KCNQ5: variants seen among roughly 807,000 people sequenced by gnomAD.
KCNQ5 encodes the protein potassium voltage-gated channel subfamily Q member 5.
A neutral mutation model predicts 98.2 loss-of-function variants in KCNQ5; 30 were observed. The observed-to-expected ratio is 0.31, with a 90% CI of 0.23 to 0.41. The LOEUF is 0.41. Among genes scored for constraint, KCNQ5 ranks in the 10% least tolerant of loss-of-function variants. The probability of loss-of-function intolerance (pLI) is 1.00; values close to 1 mark genes in which losing one functional copy is unlikely to be tolerated. For synonymous variants in KCNQ5, 458 were observed against 449.4 expected, an observed-to-expected ratio of 1.02 and a Z score of -0.24; for missense variants, 835 against 1,182.5, an observed-to-expected ratio of 0.71 and a Z score of 4.31.
At chr6:73,135,896 C>T (rs1582423388) in intron 10 of KCNQ5, 1 of 152,164 alleles carries the variant, frequency 6.6e-6, no homozygotes, top group South Asian at 2.1e-4. Flanking sequence ...TGTACCCAGC[C>T]ATGTGCAAAT....
At chr6:72,673,627 A>C (rs1465097207) in intron 1 of KCNQ5, among the ~76,000 whole-genome samples, 1 of 152,050 alleles carries the variant, frequency 6.6e-6, no homozygotes, top group Non-Finnish European at 1.5e-5. Context: ...GGAGGCGAAG[A>C]GGTAAGGCAA....
chr6:72,750,780 G>A (rs1771638947), intron 1 of KCNQ5, among the ~76,000 whole-genome samples: 1 of 151,964 alleles, frequency 6.6e-6, no homozygotes, highest in South Asian at 2.1e-4. Flanking sequence ...TACCTCATAA[G>A]CAAAGCTACA....
intron 1 of KCNQ5, among the ~76,000 whole-genome samples, chr6:72,709,345 G>A (rs1769244952): frequency 6.6e-6 from 1 of 152,042 alleles, no homozygotes; most frequent in Non-Finnish European, 1.5e-5. Context: ...GTGAACTAAA[G>A]GACCATCCAA....
At chr6:73,041,855 T>A (rs752029210) in intron 2 of KCNQ5, 81 bp from the exon 3 acceptor site, 37 of 1,531,632 alleles carry the variant, frequency 2.4e-5, no homozygotes, top group Non-Finnish European at 2.7e-5. Flanking sequence ...AGTGCCTAAA[T>A]GTCCAAAAAT....
In KCNQ5 at chr6:72,622,942, G is replaced by A. The variant is rs569894031; in HGVS notation, c.398+355G>A. Among the ~76,000 whole-genome samples, 95 of 152,240 alleles carry A rather than the reference G, an allele frequency of 6.2e-4. 1 individual carries two copies. The highest frequency in any genetic ancestry group is 2.2e-3 in the African/African-American group (92 of 41,544). ...ACCGAACGGGGCGCCCGGGAGCTAG[G>A]GAATGCAAAGGGAGGACAGGCGCCC... On this transcript the variant is annotated intron_variant, in intron 1 of 13. Transcript: ENST00000370398. This position sits in a 1 kb window ranked among gnomAD's most constrained non-coding sequence, Gnocchi z 6.0.
chr6:73,120,500 C>T lies in KCNQ5; in HGVS notation c.1143C>T (p.Tyr381=), dbSNP rs144427126. 6.7e-5 allele frequency: 108 copies of T among 1,612,350 alleles called. No individual in the cohort carries two copies. Among genetic ancestry groups the T allele is most frequent in the Middle Eastern group, 1.6e-4 (1 of 6,076 alleles). ...ACATGCAGTGTGTTTGGCGTAGTTACGCAGCTGATGAGAAATCTGTTTCCA... is the reference window on the plus strand; with the variant it reads ...ACATGCAGTGTGTTTGGCGTAGTTATGCAGCTGATGAGAAATCTGTTTCCA... ...ANLIQCVWRS[Y]AADEKSVSIA... Residue 381 remains tyrosine, a synonymous_variant, in exon 8 of 14, where the codon TAC becomes TAT. Coordinates refer to ENST00000370398, the MANE Select transcript of KCNQ5 (RefSeq NM_019842.4).
chr6:72,853,357 CG>C (rs1777373199), intron 1 of KCNQ5, among the ~76,000 whole-genome samples: 2 of 152,032 alleles, frequency 1.3e-5, no homozygotes, highest in South Asian at 4.2e-4. Flanking sequence ...TGGGAGGCTG[CG>C]GGGGAGACAG....
At chr6:73,025,280 A>G (rs9442877) in intron 2 of KCNQ5, among the ~76,000 whole-genome samples, 1 of 152,100 alleles carries the variant, frequency 6.6e-6, no homozygotes, top group Non-Finnish European at 1.5e-5. Context: ...CAGCAAGAAG[A>G]AATTGAGCAG....
At chr6:72,992,717 G>T (rs1036161784) in intron 1 of KCNQ5, among the ~76,000 whole-genome samples, 2 of 102,336 alleles carry the variant, frequency 2.0e-5, no homozygotes, top group Non-Finnish European at 3.7e-5. Flanking sequence ...GTTAGCTGGT[G>T]ATTTTGCTCA....
At chr6:72,635,121 C>A (rs971892736) in intron 1 of KCNQ5, among the ~76,000 whole-genome samples, 1 of 151,288 alleles carries the variant, frequency 6.6e-6, no homozygotes, top group African/African-American at 2.4e-5. Flanking sequence ...CCATCACCCA[C>A]ACTCAAGCAA....
At chr6:73,167,445 T>C (rs941817446) in intron 10 of KCNQ5, among the ~76,000 whole-genome samples, 3 of 152,360 alleles carry the variant, frequency 2.0e-5, no homozygotes, top group Middle Eastern at 6.8e-3. Flanking sequence ...TGGATTCTAA[T>C]GTCAGCCTCT....
At chr6:72,967,567 C>T (rs1046441415) in intron 1 of KCNQ5, 1 of 152,790 alleles carries the variant, frequency 6.5e-6, no homozygotes, top group African/African-American at 2.4e-5. Context: ...CTATGCTATG[C>T]ACTACAAGGG....
At chr6:72,851,759 T>C (rs1777267729) in intron 1 of KCNQ5, among the ~76,000 whole-genome samples, 1 of 151,094 alleles carries the variant, frequency 6.6e-6, no homozygotes, top group Non-Finnish European at 1.5e-5. Flanking sequence ...AAATTACCTA[T>C]ACTTATTAAT....
chr6:73,019,861 G>A (rs1214241923), intron 2 of KCNQ5, among the ~76,000 whole-genome samples: 6 of 152,068 alleles, frequency 3.9e-5, no homozygotes, highest in Admixed American at 2.6e-4. Context: ...ACTTATTTAT[G>A]TATTTTGACA....
At chr6:73,108,189 G>A (rs73753249) in intron 6 of KCNQ5, among the ~76,000 whole-genome samples, 2,603 of 152,224 alleles carry the variant, frequency 0.017, 76 homozygotes, top group African/African-American at 0.059. Flanking sequence ...CGCCACTGTG[G>A]GGTCACTTCC....
intron 1 of KCNQ5, among the ~76,000 whole-genome samples, chr6:72,676,916 A>G (rs1767441668): frequency 7.0e-6 from 1 of 143,504 alleles, no homozygotes; most frequent in African/African-American, 2.7e-5. Context: ...ATTCTTAGGT[A>G]TAATTGATAT....
In KCNQ5 at chr6:72,622,271, G is replaced by C. The variant is rs2098915594; in HGVS notation, c.82G>C (p.Gly28Arg). Reference protein sequence around the residue: ...VKSGAAAAAAGGGRLGSGMKD... With the variant: ...VKSGAAAAAARGGRLGSGMKD... Reference sequence around the variant, plus strand: ...GAGCGGCGCAGCGGCGGCGGCGGCGGGCGGGGGGCGCTTGGGCAGCGGCAT... The same window carrying C: ...GAGCGGCGCAGCGGCGGCGGCGGCGCGCGGGGGGCGCTTGGGCAGCGGCAT... The change falls in exon 1 of 14, where the codon GGC becomes CGC. Residue 28 changes from glycine to arginine, a missense_variant. Physicochemically the swap from Gly to Arg is moderately radical, Grantham distance 125. Around this residue, in one of 10 missense-constraint regions of KCNQ5, gnomAD observed 80 missense variants for 72.3 expected, o/e 1.11. Transcript: ENST00000370398. This position sits in a 1 kb window ranked among gnomAD's most constrained non-coding sequence, Gnocchi z 6.0. 34 of 1,276,136 alleles carry C rather than the reference G, an allele frequency of 2.7e-5. No homozygotes were observed. Among genetic ancestry groups the C allele is most frequent in the Non-Finnish European group, 3.3e-5 (34 of 1,015,382 alleles). 79.1% of individuals were successfully genotyped at this position (1,276,136 alleles called of 1,614,324 possible).
At chr6:72,686,082 A>G (rs959340064) in intron 1 of KCNQ5, among the ~76,000 whole-genome samples, 8 of 152,126 alleles carry the variant, frequency 5.3e-5, no homozygotes, top group Non-Finnish European at 1.0e-4. Flanking sequence ...CATCTTCATG[A>G]CCTCATCGAA....
rs572460023 is a variant in KCNQ5 at position 73,195,866 on chromosome 6, A to G, written c.*452A>G. 2 of 163,438 alleles carry G rather than the reference A, an allele frequency of 1.2e-5. No individual in the cohort carries two copies. The highest frequency in any genetic ancestry group is 5.6e-5 in the Admixed American group (1 of 17,806). 10.1% of individuals were successfully genotyped at this position (163,438 alleles called of 1,614,324 possible). On this transcript the variant is annotated 3_prime_UTR_variant, in exon 14 of 14. Transcript: ENST00000370398. ...ATCAACAGCTGCTAATAAGGTATCAACTAAAGCAGAATTGGGGAATAATAG... is the reference window on the plus strand; with the variant it reads ...ATCAACAGCTGCTAATAAGGTATCAGCTAAAGCAGAATTGGGGAATAATAG...
Sources: allele counts gnomAD v4.1 joint callset (sites outside exome capture counted in the v4.1 genomes callset), GRCh38; gene constraint gnomAD v4.1.1; regional missense constraint gnomAD v4.1.1; non-coding constraint Gnocchi (gnomAD v3.1); transcripts MANE v1.5; gene names NCBI Gene and HGNC (gene_info 2026-07-23, HGNC 2026-07-21).